Variants in GALNT13 observed in about 807,000 individuals in gnomAD.
GALNT13 encodes the protein UDP-GalNAc:polypeptide N-acetylgalactosaminyltransferase 13.
A neutral mutation model predicts 64.2 loss-of-function variants in GALNT13; 28 were observed. That is an observed-to-expected ratio of 0.44 (90% CI 0.32 to 0.60). GALNT13 has a LOEUF of 0.60. Among genes scored for constraint, GALNT13 ranks in the 20% least tolerant of loss-of-function variants. The pLI is 0.05. For missense variants in GALNT13, 577 were observed against 669.8 expected (o/e 0.86, Z 1.53); for synonymous variants, 214 against 224.6 (o/e 0.95, Z 0.42).
At chr2:154,189,778 C>T (rs933518180) in intron 4 of GALNT13, among the ~76,000 whole-genome samples, 1 of 152,052 alleles carries the variant, frequency 6.6e-6, no homozygotes, top group African/African-American at 2.4e-5. Context: ...ACCATCCACT[C>T]CTACTATGGT....
At chr2:153,130,667 A>G in the GALNT13 span, among the ~76,000 whole-genome samples, 1 of 152,098 alleles carries the variant, frequency 6.6e-6, no homozygotes, top group Non-Finnish European at 1.5e-5. Flanking sequence ...TAGTATTCAC[A>G]TGGAGCATGG....
chr2:153,920,630 A>C (rs7609076), intron 2 of GALNT13, among the ~76,000 whole-genome samples: 1 of 151,970 alleles, frequency 6.6e-6, no homozygotes, highest in Admixed American at 6.6e-5. Context: ...AAATTGACAA[A>C]TGGGACCTAA....
the GALNT13 span, among the ~76,000 whole-genome samples, chr2:153,383,699 G>A: frequency 9.9e-5 from 15 of 152,000 alleles, no homozygotes; most frequent in African/African-American, 3.6e-4. Flanking sequence ...AAATAAATTT[G>A]TTCATTGATT....
chr2:154,245,412 A>G (rs941606678), intron 6 of GALNT13, among the ~76,000 whole-genome samples: 1 of 152,164 alleles, frequency 6.6e-6, no homozygotes, highest in East Asian at 1.9e-4. Context: ...AATGCAAACT[A>G]CCAGATCTAA....
At chr2:153,838,708 TTTGTTCTTC>T in the GALNT13 span, among the ~76,000 whole-genome samples, 3 of 152,082 alleles carry the variant, frequency 2.0e-5, no homozygotes, top group Admixed American at 1.3e-4. Flanking sequence ...TGCATCCAGT[TTTGTTCTTC>T]TTGTTCAAGA....
chr2:154,189,324 C>T (rs1341416760), intron 4 of GALNT13, among the ~76,000 whole-genome samples: 1 of 151,828 alleles, frequency 6.6e-6, no homozygotes, highest in African/African-American at 2.4e-5. Flanking sequence ...ATGTGGAAGC[C>T]CTAACTTCCA....
At chr2:153,110,701 G>A in the GALNT13 span, among the ~76,000 whole-genome samples, 1 of 152,026 alleles carries the variant, frequency 6.6e-6, no homozygotes, top group African/African-American at 2.4e-5. Context: ...TTCTAGGACT[G>A]TGTATGCGAT....
the GALNT13 span, among the ~76,000 whole-genome samples, chr2:153,307,118 C>T: frequency 1.3e-5 from 2 of 152,150 alleles, no homozygotes; most frequent in African/African-American, 2.4e-5. Flanking sequence ...GGAGAACTTT[C>T]GTTTTTCAGC....
intron 10 of GALNT13, among the ~76,000 whole-genome samples, chr2:154,405,921 A>G (rs774350260): frequency 9.9e-5 from 15 of 152,110 alleles, no homozygotes; most frequent in Admixed American, 5.9e-4. Flanking sequence ...AAGAGGGGGA[A>G]AATCCCAGAT....
chr2:153,966,049 A>G (rs1043557448), intron 3 of GALNT13, among the ~76,000 whole-genome samples: 1 of 151,918 alleles, frequency 6.6e-6, no homozygotes, highest in Non-Finnish European at 1.5e-5. Flanking sequence ...ATACTTTCAT[A>G]TCATGTTGTA....
At chr2:153,540,049 A>G in the GALNT13 span, among the ~76,000 whole-genome samples, 1 of 152,204 alleles carries the variant, frequency 6.6e-6, no homozygotes, top group Non-Finnish European at 1.5e-5. Context: ...CAATGTGGAA[A>G]ATGTCTCCAG....
At chr2:154,257,924 A>G (rs1404426276) in intron 7 of GALNT13, among the ~76,000 whole-genome samples, 2 of 152,168 alleles carry the variant, frequency 1.3e-5, no homozygotes, top group East Asian at 1.9e-4. Flanking sequence ...TTGGCAGTAC[A>G]TTAGAAGTAC....
At chr2:154,377,740 C>T (rs1226787516) in intron 9 of GALNT13, among the ~76,000 whole-genome samples, 2 of 152,008 alleles carry the variant, frequency 1.3e-5, no homozygotes, top group Admixed American at 6.6e-5. Context: ...ATGAAACAGA[C>T]AAAATATTTT....
chr2:153,737,003 C>A, the GALNT13 span, among the ~76,000 whole-genome samples: 2 of 152,340 alleles, frequency 1.3e-5, no homozygotes, highest in African/African-American at 2.4e-5. Flanking sequence ...CAGTCCTCTG[C>A]AAGCCCACTT....
At chr2:154,018,182 A>T (rs183390187) in intron 3 of GALNT13, among the ~76,000 whole-genome samples, 200 of 152,342 alleles carry the variant, frequency 1.3e-3, no homozygotes, top group Non-Finnish European at 2.0e-3. Flanking sequence ...TCATACACTC[A>T]GTAAATATAT....
the GALNT13 span, among the ~76,000 whole-genome samples, chr2:153,744,147 G>C: frequency 1.3e-5 from 2 of 152,088 alleles, no homozygotes; most frequent in East Asian, 3.9e-4. Context: ...TGGGAGTATA[G>C]CCATCTATTC....
At chr2:153,343,681 C>A in the GALNT13 span, among the ~76,000 whole-genome samples, 1 of 152,048 alleles carries the variant, frequency 6.6e-6, no homozygotes, top group Non-Finnish European at 1.5e-5. Flanking sequence ...CTCTGGGGAG[C>A]CTTCCTATCC....
chr2:154,384,606 A>G lies in GALNT13; in HGVS notation c.1157-11385A>G, dbSNP rs536227458. Among the ~76,000 whole-genome samples the G allele has an allele frequency of 6.6e-5, 10 of 151,962 alleles. No homozygotes were observed. In the South Asian group the frequency reaches 2.1e-3, roughly 32 times the overall value. The stretch of plus-strand genomic sequence containing the variant: ...AATTCAAAACCAGCTTTTAAATCAT[A>G]TGTCATTCATGTATATACATAAAAA... On this transcript the variant is annotated intron_variant, in intron 9 of 12. Transcript: ENST00000392825.
the GALNT13 span, among the ~76,000 whole-genome samples, chr2:153,230,116 C>T: frequency 3.3e-5 from 5 of 152,118 alleles, no homozygotes; most frequent in Non-Finnish European, 5.9e-5. Context: ...TGGCTATGTG[C>T]GAGGGGCTAC....
Sources: allele counts gnomAD v4.1 joint callset (sites outside exome capture counted in the v4.1 genomes callset), GRCh38; gene constraint gnomAD v4.1.1; transcripts MANE v1.5; gene names NCBI Gene and HGNC (gene_info 2026-07-23, HGNC 2026-07-21).